The following SNX29 variants were observed in gnomAD, a reference collection of about 807,000 sequenced individuals.
The protein encoded by SNX29 is sorting nexin 29.
Under a neutral mutation model 102.1 loss-of-function variants are expected in SNX29, and 78 were observed. That is an observed-to-expected ratio of 0.76 (90% confidence interval 0.64 to 0.92). The LOEUF is 0.92. Ranked by LOEUF, SNX29 falls within the 40% of genes least tolerant of loss-of-function variation. The pLI, the probability that SNX29 is intolerant of heterozygous loss-of-function variation, is 0.00. For missense variants in SNX29, 1,280 were observed against 1,061.7 expected (o/e 1.21, Z -2.86); for synonymous variants, 580 against 414.5 (o/e 1.40, Z -4.85).
rs1472978583 is a variant in SNX29 at position 12,025,994 on chromosome 16, TTGA to T, written c.123-1322_123-1320del. 3.9e-4 allele frequency among the ~76,000 whole-genome samples: 59 copies of T among 152,302 alleles called. 1 individual carries two copies. In the East Asian group the frequency reaches 0.011, roughly 27 times the overall value. ...TACGTGCCTCATCTATATTAAAGTG[TTGA>T]TGAGAAGAGTAAAATAATGGGTATG... On this transcript the variant is annotated intron_variant, in intron 3 of 20. Transcript: ENST00000566228.
intron 1 of SNX29, among the ~76,000 whole-genome samples, chr16:11,989,652 C>T (rs905659092): frequency 1.3e-5 from 2 of 152,290 alleles, no homozygotes; most frequent in South Asian, 4.1e-4. Flanking sequence ...TGAGCTGCAC[C>T]AGAATCTAGA....
At chr16:12,388,152 GC>G (rs1231755689) in intron 16 of SNX29, among the ~76,000 whole-genome samples, 1 of 152,190 alleles carries the variant, frequency 6.6e-6, no homozygotes, top group African/African-American at 2.4e-5. Context: ...GAGGAGATGA[GC>G]CCGAATTCTT....
chr16:12,280,791 T>A (rs778011444), intron 15 of SNX29, among the ~76,000 whole-genome samples: 12 of 152,242 alleles, frequency 7.9e-5, no homozygotes, highest in Admixed American at 3.9e-4. Context: ...GTTAATGGGT[T>A]GATTTTTACC....
chr16:12,186,632 C>A (rs1469318839), intron 13 of SNX29, among the ~76,000 whole-genome samples: 1 of 152,156 alleles, frequency 6.6e-6, no homozygotes. Flanking sequence ...GGGATCCAGT[C>A]CAGGATCAGG....
At chr16:12,565,115 A>T (rs1356631269) in intron 20 of SNX29, among the ~76,000 whole-genome samples, 2 of 148,270 alleles carry the variant, frequency 1.3e-5, no homozygotes, top group African/African-American at 5.1e-5. Flanking sequence ...TACTGGCCCT[A>T]GTCTCTTATC....
At chr16:12,543,708 C>T (rs571623571) in intron 20 of SNX29, among the ~76,000 whole-genome samples, 13 of 152,304 alleles carry the variant, frequency 8.5e-5, no homozygotes, top group East Asian at 3.9e-4. Context: ...ATATTAACCA[C>T]GGGAATTAAT....
At chr16:12,307,456 C>G (rs1391980573) in intron 15 of SNX29, among the ~76,000 whole-genome samples, 1 of 152,192 alleles carries the variant, frequency 6.6e-6, no homozygotes, top group Non-Finnish European at 1.5e-5. Context: ...GTGGAATTCT[C>G]ACATTTGTGA....
At chr16:12,560,846 G>A (rs1323897479) in intron 20 of SNX29, 1 of 182,794 alleles carries the variant, frequency 5.5e-6, no homozygotes, top group East Asian at 8.9e-5. Flanking sequence ...GCTTAAGGAT[G>A]TTATGAGAAT....
intron 19 of SNX29, among the ~76,000 whole-genome samples, chr16:12,512,972 G>C (rs2089698576): frequency 6.6e-6 from 1 of 152,044 alleles, no homozygotes; most frequent in Non-Finnish European, 1.5e-5. Flanking sequence ...AGAGTCGATG[G>C]GGCCTTGCTT....
intron 13 of SNX29, among the ~76,000 whole-genome samples, chr16:12,196,771 C>G (rs929104693): frequency 6.6e-6 from 1 of 152,070 alleles, no homozygotes; most frequent in African/African-American, 2.4e-5. Flanking sequence ...CAGGCACATG[C>G]CACCATGCCC....
At chr16:12,488,464 A>C (rs1193797371) in intron 19 of SNX29, among the ~76,000 whole-genome samples, 4 of 152,018 alleles carry the variant, frequency 2.6e-5, no homozygotes, top group African/African-American at 9.7e-5. Flanking sequence ...CGCACCCATG[A>C]CACCATAGAA....
Position 12,572,332 on chromosome 16 carries a change from C to A in SNX29, c.*3703C>A, listed in dbSNP as rs2079204627. The A allele has an allele frequency of 4.7e-6, 5 of 1,063,204 alleles. No individual in the cohort carries two copies. The highest frequency in any genetic ancestry group is 5.7e-6 in the Non-Finnish European group (5 of 877,928). The allele number at this position is 1,063,204 out of a possible 1,614,324, so 65.9% of individuals were successfully genotyped here. A position where few individuals can be genotyped will look rare whatever the true frequency, so the allele number is the denominator to read the frequency against. On this transcript the variant is annotated 3_prime_UTR_variant, in exon 21 of 21. Coordinates refer to ENST00000566228, the MANE Select transcript of SNX29 (RefSeq NM_032167.5). ...AGGTTGGAAACAGGAGTGAAGCCCA[C>A]CAGCCTGCCTGGTTGATGGACAGCA...
intron 9 of SNX29, among the ~76,000 whole-genome samples, chr16:12,066,918 G>C (rs1335901608): frequency 3.9e-5 from 6 of 151,962 alleles, no homozygotes; most frequent in Non-Finnish European, 8.8e-5. Context: ...TCTGAGGCAG[G>C]AGGATTGCTT....
At chr16:12,558,090 T>G (rs1348137722) in intron 20 of SNX29, among the ~76,000 whole-genome samples, 1 of 152,150 alleles carries the variant, frequency 6.6e-6, no homozygotes, top group Non-Finnish European at 1.5e-5. Context: ...CCATGCAAAG[T>G]GGGGACGGGG....
intron 15 of SNX29, among the ~76,000 whole-genome samples, chr16:12,318,443 TGG>T (rs796434936): frequency 1.3e-4 from 20 of 152,294 alleles, no homozygotes; most frequent in African/African-American, 4.6e-4. Flanking sequence ...GAACGTGACT[TGG>T]ATACAAACTC....
intron 20 of SNX29, among the ~76,000 whole-genome samples, chr16:12,535,098 A>C (rs1347531147): frequency 6.6e-6 from 1 of 152,202 alleles, no homozygotes; most frequent in Non-Finnish European, 1.5e-5. Flanking sequence ...AGGAGAAACC[A>C]ACATGTATTT....
At position 12,438,432 on chromosome 16, in the gene SNX29, G is replaced by A. The variant is rs565082615; in HGVS notation, c.2037+34903G>A. 7.9e-5 allele frequency among the ~76,000 whole-genome samples: 12 copies of A among 151,788 alleles called. No individual in the cohort carries two copies. In the South Asian group the frequency reaches 1.0e-3, roughly 13 times the overall value. ...TACCTCTCCCCTTCTTCATTTACCC[G>A]CTCACTCCAGCCCAGGACCCCTTTA... On this transcript the variant is annotated intron_variant, in intron 18 of 20. Transcript: ENST00000566228.
chr16:12,410,288 C>G (rs370416253), intron 18 of SNX29, among the ~76,000 whole-genome samples: 4 of 152,142 alleles, frequency 2.6e-5, no homozygotes, highest in African/African-American at 7.2e-5. Context: ...GCCACTGCGC[C>G]TGGCCGCGTT....
intron 15 of SNX29, among the ~76,000 whole-genome samples, chr16:12,313,398 G>C (rs1300856087): frequency 6.6e-6 from 1 of 152,178 alleles, no homozygotes; most frequent in Non-Finnish European, 1.5e-5. Flanking sequence ...TTGTAGAAGG[G>C]GTAAAATGGG....
Sources: allele counts gnomAD v4.1 joint callset (sites outside exome capture counted in the v4.1 genomes callset), GRCh38; gene constraint gnomAD v4.1.1; transcripts MANE v1.5; gene names NCBI Gene and HGNC (gene_info 2026-07-23, HGNC 2026-07-21).